The following ASB14 variants were observed in gnomAD, a reference collection of about 807,000 sequenced individuals.
ASB14 encodes ankyrin repeat and SOCS box protein 14.
A neutral mutation model predicts 55.6 loss-of-function variants in ASB14; 63 were observed. That is an observed-to-expected ratio of 1.13 (90% CI 0.92 to 1.40). The LOEUF (loss-of-function observed/expected upper bound fraction) is 1.40, where lower values mean the gene tolerates loss of function less well. Ranked by LOEUF, ASB14 falls within the 40% of genes most tolerant of loss-of-function variation. The probability of loss-of-function intolerance (pLI) is 0.00; values close to 1 mark genes in which losing one functional copy is unlikely to be tolerated. For missense variants in ASB14, 724 were observed against 710.4 expected, an observed-to-expected ratio of 1.02 and a Z score of -0.22; for synonymous variants, 256 against 259.9, an observed-to-expected ratio of 0.98 and a Z score of 0.15.
rs1491478346 is a variant in ASB14 at position 57,284,940 on chromosome 3, T to TG, written c.470-1502dup. Among the ~76,000 whole-genome samples, 3 of 57,710 alleles carry TG rather than the reference T, an allele frequency of 5.2e-5. No homozygotes were observed. In the South Asian group the frequency reaches 2.7e-3, roughly 51 times the overall value. 37.9% of individuals were successfully genotyped at this position (57,710 alleles called of 152,430 possible). On this transcript the variant is annotated intron_variant, in intron 5 of 10. Coordinates refer to ENST00000487349, the MANE Select transcript of ASB14 (RefSeq NM_001142733.3). Reference sequence around the variant, plus strand: ...TTGGTCTCTCTTTAATTTTCAGTGTTGTTTTTTTTTTTTTTTTGAGACAGA... The same window carrying TG: ...TTGGTCTCTCTTTAATTTTCAGTGTTGGTTTTTTTTTTTTTTTTGAGACAGA...
At chr3:57,274,918 A>G (rs760289353) in intron 10 of ASB14, among the ~76,000 whole-genome samples, 1 of 152,198 alleles carries the variant, frequency 6.6e-6, no homozygotes, top group Non-Finnish European at 1.5e-5. Flanking sequence ...ACATTTCTCA[A>G]TATTGAAATT....
intron 10 of ASB14, chr3:57,273,452 TAC>T (rs908570979): frequency 6.6e-6 from 1 of 152,644 alleles, no homozygotes; most frequent in Non-Finnish European, 1.5e-5. Flanking sequence ...ATGATTTTTG[TAC>T]AGTGTTTTTT....
rs2060918748 is a variant in ASB14 at position 57,269,352 on chromosome 3, A to G, written c.*289T>C. The G allele has an allele frequency of 2.0e-6, 1 of 511,172 alleles. No individual in the cohort carries two copies. The highest frequency in any genetic ancestry group is 3.4e-6 in the Non-Finnish European group (1 of 295,624). 31.7% of individuals were successfully genotyped at this position (511,172 alleles called of 1,614,324 possible). The stretch of plus-strand genomic sequence containing the variant: ...GATTTTAGTTTGAATGCTGGCTTTT[A>G]TAGGATGGTGCCAAAATTCATTTTG... On this transcript the variant is annotated 3_prime_UTR_variant, in exon 11 of 11. Transcript: ENST00000487349.
Position 57,288,366 on chromosome 3 carries a change from C to T in ASB14, c.179-80G>A, listed in dbSNP as rs1333108694. On this transcript the variant is annotated intron_variant, in intron 3 of 10. Transcript: ENST00000487349. Reference sequence around the variant, plus strand: ...CCATATTGCTTCCTGAATTCTACCACCAAAGTTAATGCATAAGACAACAGA... The same window carrying T: ...CCATATTGCTTCCTGAATTCTACCATCAAAGTTAATGCATAAGACAACAGA... 3.8e-5 allele frequency: 54 copies of T among 1,416,520 alleles called. 2 individuals carry two copies. In the South Asian group the frequency reaches 6.7e-4, roughly 17 times the overall value. The allele number at this position is 1,416,520 out of a possible 1,614,324, so 87.7% of individuals were successfully genotyped here.
chr3:57,276,479 T>G, intron 10 of ASB14, 49 bp downstream of exon 10: 1 of 1,380,336 alleles, frequency 7.2e-7, no homozygotes, highest in East Asian at 2.3e-5. Context: ...GCAAAAAATA[T>G]GAATCATACA....
rs2060987914 is a variant in ASB14 at position 57,276,514 on chromosome 3, C to T, written c.*22+14G>A. 1.3e-6 allele frequency: 2 copies of T among 1,549,254 alleles called. No homozygotes were observed. The highest frequency in any genetic ancestry group is 3.7e-5 in the Admixed American group (2 of 53,976). ...ATAAGTGAAATTTTAAGGAATACAG[C>T]TGCAAAATTATACCTTTTCCATTAG... On this transcript the variant is annotated intron_variant, in intron 10 of 10. Coordinates refer to ENST00000487349, the MANE Select transcript of ASB14 (RefSeq NM_001142733.3).
At position 57,277,790 on chromosome 3, in the gene ASB14, C is replaced by T; in HGVS notation, c.1562G>A (p.Trp521Ter). 6.2e-7 allele frequency: 1 copy of T among 1,611,792 alleles called. No individual in the cohort carries two copies. Among genetic ancestry groups the T allele is most frequent in the South Asian group, 1.1e-5 (1 of 90,396 alleles). Reference sequence around the variant, plus strand: ...ACTTAAGATAAAATGTATTTCTGACCAGATCCCCTGTTTTTGGAGCACAGC... The same window carrying T: ...ACTTAAGATAAAATGTATTTCTGACTAGATCCCCTGTTTTTGGAGCACAGC... The part of the protein sequence containing the change: ...LKAVLQKQGI[W>*]SEIHFILTNP... The change falls in exon 9 of 11, where the codon TGG (tryptophan) becomes TAG (stop). Residue 521 changes from tryptophan (W) to a stop codon, truncating the protein, a stop_gained. Transcript: ENST00000487349. LOFTEE classifies it high-confidence loss of function.
intron 3 of ASB14, 40 bp from the exon 4 acceptor site, chr3:57,288,326 C>T: frequency 6.5e-7 from 1 of 1,532,442 alleles, no homozygotes; most frequent in Non-Finnish European, 8.7e-7. Context: ...ACATTTGGCA[C>T]ACTTACAAGG....
rs868086701 is a variant in ASB14, at chr3:57,276,727, T to TA, written c.1586_1587insT (p.Asn530LysfsTer64). On this transcript the variant is annotated frameshift_variant and splice_region_variant, in exon 10 of 11. Transcript: ENST00000487349. LOFTEE classifies it high-confidence loss of function. ...ACAAATGTTTTAGGGAGCGAGGGTT[T>TA]GCTAAAAAGAAAAGGCACATTATCC... The TA allele has an allele frequency of 3.1e-6, 5 of 1,603,816 alleles. No individual in the cohort carries two copies. Among genetic ancestry groups the TA allele is most frequent in the Non-Finnish European group, 4.2e-6 (5 of 1,176,508 alleles).
chr3:57,283,861 G>GAATC (rs1168459173), intron 5 of ASB14, among the ~76,000 whole-genome samples: 2 of 151,220 alleles, frequency 1.3e-5, no homozygotes, highest in African/African-American at 4.9e-5. Flanking sequence ...AACAAAAACA[G>GAATC]AATCTACCCC....
intron 9 of ASB14, 147 bp downstream of exon 9, chr3:57,277,620 A>G (rs568515029): frequency 1.5e-6 from 1 of 674,658 alleles, no homozygotes; most frequent in South Asian, 2.3e-5. Context: ...AAGTGTAGTT[A>G]GTAACATTTT....
intron 6 of ASB14, among the ~76,000 whole-genome samples, chr3:57,282,025 T>C (rs1196515072): frequency 6.6e-6 from 1 of 152,262 alleles, no homozygotes. Context: ...TCTTTCTCTG[T>C]ATTTTAATCA....
intron 6 of ASB14, among the ~76,000 whole-genome samples, chr3:57,282,034 C>G (rs894104668): frequency 1.3e-5 from 2 of 152,178 alleles, no homozygotes; most frequent in Non-Finnish European, 2.9e-5. Flanking sequence ...GTATTTTAAT[C>G]AATGATCTAT....
intron 6 of ASB14, 148 bp from the exon 7 acceptor site, chr3:57,280,621 C>A: frequency 3.4e-6 from 2 of 587,010 alleles, no homozygotes; most frequent in Non-Finnish European, 5.5e-6. Flanking sequence ...AGAATATATA[C>A]CTCCTGCTCT....
chr3:57,273,704 A>T (rs150125415), intron 10 of ASB14, among the ~76,000 whole-genome samples: 185 of 152,286 alleles, frequency 1.2e-3, no homozygotes, highest in African/African-American at 4.2e-3. Flanking sequence ...TCATTAATTG[A>T]CGTATACTTG....
At chr3:57,289,504 G>A (rs574432276) in intron 2 of ASB14, among the ~76,000 whole-genome samples, 115 of 152,194 alleles carry the variant, frequency 7.6e-4, no homozygotes, top group Non-Finnish European at 1.4e-3. Context: ...AACGATTCTA[G>A]CAGAAACTAT....
chr3:57,288,987 G>A (rs956936450), intron 3 of ASB14, 81 bp downstream of exon 3: 2 of 1,128,768 alleles, frequency 1.8e-6, no homozygotes, highest in African/African-American at 1.6e-5. Flanking sequence ...CAAAGTACTG[G>A]GATTACAGGC....
intron 10 of ASB14, 107 bp downstream of exon 10, chr3:57,276,421 A>G: frequency 3.8e-6 from 3 of 783,230 alleles, no homozygotes; most frequent in Non-Finnish European, 5.9e-6. Context: ...AAGCAGAGCT[A>G]CTTTTTAAAG....
At chr3:57,274,307 T>A (rs1244121496) in intron 10 of ASB14, among the ~76,000 whole-genome samples, 1 of 152,242 alleles carries the variant, frequency 6.6e-6, no homozygotes, top group African/African-American at 2.4e-5. Context: ...TTTTCCCTGT[T>A]GATATGGCTT....
Sources: allele counts gnomAD v4.1 joint callset (sites outside exome capture counted in the v4.1 genomes callset), GRCh38; gene constraint gnomAD v4.1.1; transcripts MANE v1.5; gene names NCBI Gene and HGNC (gene_info 2026-07-23, HGNC 2026-07-21).